Variants in MYO1D observed in about 807,000 individuals in gnomAD.
MYO1D encodes unconventional myosin-Id.
Under a neutral mutation model 122.0 loss-of-function variants are expected in MYO1D, and 83 were observed. That is an observed-to-expected ratio of 0.68 (90% CI 0.57 to 0.82). The LOEUF (loss-of-function observed/expected upper bound fraction) is 0.82, where lower values mean the gene tolerates loss of function less well. MYO1D is among the 40% of genes least tolerant of loss of function. MYO1D has a pLI of 0.00. For missense variants in MYO1D, 1,157 were observed against 1,269.5 expected (o/e 0.91, Z 1.35); for synonymous variants, 464 against 446.9 (o/e 1.04, Z -0.48).
At chr17:32,798,911 G>A (rs925626977) in intron 1 of MYO1D, among the ~76,000 whole-genome samples, 3 of 152,138 alleles carry the variant, frequency 2.0e-5, no homozygotes, top group Non-Finnish European at 2.9e-5. Flanking sequence ...ATACTGCTGT[G>A]GGGCTCAAAA....
At chr17:32,822,648 CG>C (rs1267327440) in intron 1 of MYO1D, among the ~76,000 whole-genome samples, 2 of 149,156 alleles carry the variant, frequency 1.3e-5, no homozygotes, top group African/African-American at 4.9e-5. Context: ...GGTGGCCGCG[CG>C]GGCCCCGGTG....
chr17:32,495,312 G>C (rs552140385), intron 21 of MYO1D, among the ~76,000 whole-genome samples: 4 of 152,376 alleles, frequency 2.6e-5, no homozygotes, highest in Admixed American at 2.6e-4. Flanking sequence ...CAGTGAGAGA[G>C]AGAGAGAGAG....
At chr17:32,723,033 T>C (rs1021371714) in intron 14 of MYO1D, among the ~76,000 whole-genome samples, 1 of 152,026 alleles carries the variant, frequency 6.6e-6, no homozygotes, top group East Asian at 1.9e-4. Flanking sequence ...GAAACGCTGA[T>C]AAAACAAAAA....
chr17:32,570,927 C>T (rs1468528445), intron 21 of MYO1D, among the ~76,000 whole-genome samples: 4 of 151,976 alleles, frequency 2.6e-5, no homozygotes, highest in Non-Finnish European at 4.4e-5. Flanking sequence ...TGTCTGTTGT[C>T]GGGAATAGAA....
intron 20 of MYO1D, among the ~76,000 whole-genome samples, chr17:32,623,611 T>C (rs2087881541): frequency 6.6e-6 from 1 of 152,168 alleles, no homozygotes; most frequent in Non-Finnish European, 1.5e-5. Flanking sequence ...TTAAAGAAAA[T>C]TTAATTTTTG....
intron 16 of MYO1D, among the ~76,000 whole-genome samples, chr17:32,703,969 A>T (rs2089277893): frequency 6.6e-6 from 1 of 152,210 alleles, no homozygotes; most frequent in African/African-American, 2.4e-5. Context: ...AGCTAAAATA[A>T]CAAAATCAGT....
chr17:32,821,670 G>A (rs772196997), intron 1 of MYO1D, among the ~76,000 whole-genome samples: 29 of 151,772 alleles, frequency 1.9e-4, no homozygotes, highest in Non-Finnish European at 1.6e-4. Context: ...ATTCAAACTC[G>A]TCCATACTAG....
intron 21 of MYO1D, among the ~76,000 whole-genome samples, chr17:32,602,315 A>C (rs1333718496): frequency 1.3e-5 from 2 of 152,164 alleles, no homozygotes; most frequent in Non-Finnish European, 2.9e-5. Flanking sequence ...GCATGCCCGT[A>C]ATCTTTGACT....
At chr17:32,783,034 G>C (rs2090256671) in intron 1 of MYO1D, among the ~76,000 whole-genome samples, 1 of 151,962 alleles carries the variant, frequency 6.6e-6, no homozygotes. Context: ...GCGAAAATAA[G>C]CTAAGATTCA....
intron 1 of MYO1D, among the ~76,000 whole-genome samples, chr17:32,824,434 TG>T (rs1296484255): frequency 1.3e-5 from 2 of 152,242 alleles, no homozygotes. Context: ...CATAGCATAA[TG>T]GGTCAGCTAT....
At position 32,786,645 on chromosome 17, in the gene MYO1D, C is replaced by T. The variant is rs149708764; in HGVS notation, c.96-5861G>A. On this transcript the variant is annotated intron_variant, in intron 1 of 21. Coordinates refer to ENST00000318217, the MANE Select transcript of MYO1D (RefSeq NM_015194.3). ...GACCAGCCTGGCCAACATGGCGAAA[C>T]GCCGGCTCTACTAAAAATACAAAAA... Among the ~76,000 whole-genome samples, 11 of 152,280 alleles carry T rather than the reference C, an allele frequency of 7.2e-5. No homozygotes were observed. In the East Asian group the frequency reaches 1.9e-3, roughly 27 times the overall value.
intron 11 of MYO1D, among the ~76,000 whole-genome samples, chr17:32,750,521 G>A (rs1031260480): frequency 7.9e-5 from 12 of 152,138 alleles, no homozygotes; most frequent in East Asian, 1.9e-4. Context: ...AGGCTGAGGC[G>A]GGAGAATAGC....
chr17:32,816,153 T>C (rs1172767615), intron 1 of MYO1D, among the ~76,000 whole-genome samples: 2 of 152,174 alleles, frequency 1.3e-5, no homozygotes, highest in Non-Finnish European at 2.9e-5. Context: ...GCATTAAGCG[T>C]CTGGGAGTGA....
intron 16 of MYO1D, chr17:32,684,171 G>T (rs9893610): frequency 0.055 from 8,689 of 156,698 alleles, 790 homozygotes; most frequent in African/African-American, 0.19. Context: ...GATGAACCCG[G>T]TACCTCAGAT....
intron 21 of MYO1D, among the ~76,000 whole-genome samples, chr17:32,600,164 G>C (rs1252447164): frequency 6.6e-6 from 1 of 152,206 alleles, no homozygotes; most frequent in Non-Finnish European, 1.5e-5. Flanking sequence ...GGTCTCAACA[G>C]TGGGCTTAAA....
At chr17:32,876,131 C>G (rs1167488200) in intron 1 of MYO1D, among the ~76,000 whole-genome samples, 1 of 152,002 alleles carries the variant, frequency 6.6e-6, no homozygotes, top group Non-Finnish European at 1.5e-5. Context: ...TTGGCACTGG[C>G]AAGTACAGCA....
chr17:32,797,720 A>C (rs2151040960), intron 1 of MYO1D, among the ~76,000 whole-genome samples: 1 of 152,218 alleles, frequency 6.6e-6, no homozygotes, highest in East Asian at 1.9e-4. Context: ...GATAAGGAGG[A>C]GCTATTGTAG....
intron 16 of MYO1D, among the ~76,000 whole-genome samples, chr17:32,699,234 G>A (rs138871214): frequency 6.6e-6 from 1 of 151,948 alleles, no homozygotes; most frequent in African/African-American, 2.4e-5. Context: ...ATAAGCACTG[G>A]GATTACAGGC....
chr17:32,656,551 G>A (rs2088479245), intron 17 of MYO1D, among the ~76,000 whole-genome samples: 1 of 152,166 alleles, frequency 6.6e-6, no homozygotes, highest in Non-Finnish European at 1.5e-5. Context: ...CACATGGAAT[G>A]GCTGGCTGCA....
Sources: gnomAD v4.1 joint callset for allele counts (sites outside exome capture counted in the v4.1 genomes callset) on GRCh38, gnomAD v4.1.1 for gene constraint, MANE v1.5 for transcripts, NCBI Gene and HGNC (gene_info 2026-07-23, HGNC 2026-07-21) for gene names.